The following NFASC variants were observed in gnomAD, a reference collection of about 807,000 sequenced individuals.
The protein encoded by NFASC is neurofascin, also known as neurofascin homolog.
In NFASC, 43 loss-of-function variants were observed where a neutral mutation model predicts 147.5. That is an observed-to-expected ratio of 0.29 (90% CI 0.23 to 0.38). The LOEUF is 0.38. NFASC is among the 10% of genes least tolerant of loss of function. NFASC has a pLI of 1.00. For synonymous variants in NFASC, 622 were observed against 665.5 expected, an observed-to-expected ratio of 0.93 and a Z score of 1.01; for missense variants, 1,320 against 1,689.0, an observed-to-expected ratio of 0.78 and a Z score of 3.83.
chr1:204,957,245 A>G (rs17415030), intron 7 of NFASC, among the ~76,000 whole-genome samples: 36,404 of 152,192 alleles, frequency 0.24, 4,713 homozygotes, highest in African/African-American at 0.3. Context: ...TGAACAGATC[A>G]TGGTCCCTGG....
intron 1 of NFASC, among the ~76,000 whole-genome samples, chr1:204,877,039 A>ATATATT (rs1266506934): frequency 2.0e-5 from 2 of 100,558 alleles, no homozygotes; most frequent in Admixed American, 1.2e-4. Flanking sequence ...ATATATATTT[A>ATATATT]TATATATATA....
intron 21 of NFASC, chr1:204,985,829 A>G: frequency 1.2e-6 from 1 of 867,674 alleles, no homozygotes; most frequent in Middle Eastern, 3.3e-4. Context: ...AGCAAAGGAA[A>G]GACCGGTCAC....
At chr1:204,925,886 A>C (rs892369702) in intron 2 of NFASC, among the ~76,000 whole-genome samples, 35 of 152,154 alleles carry the variant, frequency 2.3e-4, no homozygotes, top group African/African-American at 8.4e-4. Context: ...GGAGCTTGGC[A>C]GGGCCCAGGG....
At chr1:204,842,542 A>G (rs1675657604) in intron 1 of NFASC, among the ~76,000 whole-genome samples, 1 of 152,208 alleles carries the variant, frequency 6.6e-6, no homozygotes, top group Admixed American at 6.5e-5. Flanking sequence ...TGGTTGGAAT[A>G]GAAACTTCCA....
chr1:204,950,288 G>A (rs1260696285), intron 3 of NFASC, among the ~76,000 whole-genome samples: 1 of 152,208 alleles, frequency 6.6e-6, no homozygotes, highest in African/African-American at 2.4e-5. Flanking sequence ...TTTGATCAGA[G>A]CCAGTCTTTC....
chr1:204,856,382 G>GGT (rs57653534), intron 1 of NFASC, among the ~76,000 whole-genome samples: 11,710 of 139,670 alleles, frequency 0.084, 734 homozygotes, highest in African/African-American at 0.18. Flanking sequence ...ATGCAGAACA[G>GGT]GTGTGTGTGT....
intron 2 of NFASC, among the ~76,000 whole-genome samples, chr1:204,941,050 C>T (rs1433485852): frequency 1.3e-5 from 2 of 152,232 alleles, no homozygotes; most frequent in Non-Finnish European, 2.9e-5. Flanking sequence ...CAACCTTACT[C>T]TGGTACTTTT....
chr1:204,947,126 G>C (rs1191630918), intron 3 of NFASC: 1 of 307,432 alleles, frequency 3.3e-6, no homozygotes, highest in African/African-American at 2.2e-5. Context: ...GAAGAAAATT[G>C]CAAGTTCACA....
chr1:205,000,826 CAAAA>C, intron 25 of NFASC: 2 of 278,254 alleles, frequency 7.2e-6, no homozygotes, highest in Non-Finnish European at 7.0e-6. Context: ...TACTCCATCT[CAAAA>C]AAAAAAAAAC....
Position 205,002,595 on chromosome 1 carries a change from G to A in NFASC, c.3137-1G>A. 1 of 1,495,550 alleles carries A rather than the reference G, an allele frequency of 6.7e-7. No individual in the cohort carries two copies. Among genetic ancestry groups the A allele is most frequent in the Non-Finnish European group, 9.1e-7 (1 of 1,103,480 alleles). 92.6% of individuals were successfully genotyped at this position (1,495,550 alleles called of 1,614,324 possible). Reference sequence around the variant, plus strand: ...GGCTGATTGAGGTTTCTGTTCCCCAGGCAACCATACGAAAAAAACTGTCCC... The same window carrying A: ...GGCTGATTGAGGTTTCTGTTCCCCAAGCAACCATACGAAAAAAACTGTCCC... On this transcript the variant is annotated splice_acceptor_variant, in intron 26 of 29. Coordinates refer to ENST00000339876, the MANE Select transcript of NFASC (RefSeq NM_001005388.3). LOFTEE classifies it high-confidence loss of function.
chr1:204,995,902 G>A (rs917052234), intron 24 of NFASC, among the ~76,000 whole-genome samples: 5 of 152,202 alleles, frequency 3.3e-5, no homozygotes, highest in Admixed American at 1.3e-4. Flanking sequence ...AGGATTCCTT[G>A]GGAGTGAGAG....
chr1:204,957,052 A>G (rs1000800882), intron 7 of NFASC, among the ~76,000 whole-genome samples: 5 of 152,240 alleles, frequency 3.3e-5, no homozygotes, highest in African/African-American at 4.8e-5. Context: ...ATTGATTGGT[A>G]TATATCTTAC....
Position 204,944,347 on chromosome 1 carries a change from A to C in NFASC, c.32A>C (p.His11Pro). 6.2e-7 allele frequency: 1 copy of C among 1,613,718 alleles called. No homozygotes were observed. The highest frequency in any genetic ancestry group is 8.5e-7 in the Non-Finnish European group (1 of 1,179,854). MARQPPPPWV[H>P]AAFLLCLLSL... ...AGGCAGCCACCGCCGCCCTGGGTCC[A>C]TGCAGCCTTCCTCCTCTGCCTCCTC... The change falls in exon 3 of 30, where the codon CAT (histidine) becomes CCT (proline). Residue 11 changes from histidine to proline, a missense_variant. By Grantham distance (77) the His-to-Pro change is moderately conservative. This residue lies in a region of NFASC where 981 missense variants were observed against 1,289.5 expected (regional missense o/e 0.76). Coordinates refer to ENST00000339876, the MANE Select transcript of NFASC (RefSeq NM_001005388.3).
intron 1 of NFASC, among the ~76,000 whole-genome samples, chr1:204,865,463 A>G (rs1224158608): frequency 6.6e-6 from 1 of 152,164 alleles, no homozygotes; most frequent in Non-Finnish European, 1.5e-5. Flanking sequence ...TGAGGTTTGT[A>G]GTTTGGGGTA....
chr1:204,869,261 A>C (rs895392349), intron 1 of NFASC, among the ~76,000 whole-genome samples: 1 of 152,072 alleles, frequency 6.6e-6, no homozygotes, highest in South Asian at 2.1e-4. Context: ...TGCCCCGTGC[A>C]CCCTGTGTGG....
intron 5 of NFASC, among the ~76,000 whole-genome samples, chr1:204,952,849 GGT>G (rs1243707573): frequency 6.6e-6 from 1 of 152,166 alleles, no homozygotes; most frequent in Non-Finnish European, 1.5e-5. Context: ...CCACATCTAG[GGT>G]GTGTCTGTCA....
chr1:204,988,528 C>A, intron 22 of NFASC, 105 bp from the exon 23 acceptor site: 1 of 1,045,810 alleles, frequency 9.6e-7, no homozygotes, highest in East Asian at 2.5e-5. Flanking sequence ...CCATCATTTC[C>A]CTTTCCAGCA....
intron 2 of NFASC, among the ~76,000 whole-genome samples, chr1:204,921,058 A>G (rs2149443473): frequency 6.6e-6 from 1 of 152,304 alleles, no homozygotes; most frequent in East Asian, 1.9e-4. Flanking sequence ...TTTGTGACCC[A>G]CACCCTACTT....
At chr1:204,875,654 G>A (rs772463212) in intron 1 of NFASC, among the ~76,000 whole-genome samples, 5 of 148,890 alleles carry the variant, frequency 3.4e-5, no homozygotes, top group Non-Finnish European at 7.4e-5. Flanking sequence ...TCTTCTGAGT[G>A]CTCCCCTGCC....
Sources: gnomAD v4.1 joint callset for allele counts (sites outside exome capture counted in the v4.1 genomes callset) on GRCh38, gnomAD v4.1.1 for gene constraint, gnomAD v4.1.1 regional missense constraint, MANE v1.5 for transcripts, NCBI Gene and HGNC (gene_info 2026-07-23, HGNC 2026-07-21) for gene names.